Variants in PPM1E observed in about 807,000 individuals in gnomAD.
PPM1E encodes the protein protein phosphatase, Mg2+/Mn2+ dependent 1E.
Under a neutral mutation model 65.9 loss-of-function variants are expected in PPM1E, and 20 were observed. The observed-to-expected ratio is 0.30, with a 90% CI of 0.21 to 0.44. PPM1E has a LOEUF of 0.44. Among genes scored for constraint, PPM1E ranks in the 20% least tolerant of loss-of-function variants. The pLI is 1.00. For synonymous variants in PPM1E, 352 were observed against 374.9 expected (o/e 0.94, Z 0.70); for missense variants, 713 against 953.1 (o/e 0.75, Z 3.32).
rs543543260 is a variant in PPM1E at position 58,921,735 on chromosome 17, C to T, written c.465-33914C>T. On this transcript the variant is annotated intron_variant, in intron 1 of 6. Coordinates refer to ENST00000308249, the MANE Select transcript of PPM1E (RefSeq NM_014906.5). ...TTAGATAGGATTATGGACAGTTTTA[C>T]CATTGTGTAGGAAGAAAGAGTGTGG... Among the ~76,000 whole-genome samples, 5 of 150,028 alleles carry T rather than the reference C, an allele frequency of 3.3e-5. No individual in the cohort carries two copies. The South Asian group carries it at 1.1e-3, about 32-fold the overall frequency.
chr17:58,982,753 C>G lies in PPM1E; in HGVS notation c.*1722C>G. Reference sequence around the variant, plus strand: ...TTGAAGTCATTTCTTCTTCTCACGTCTGTGACAAATGGTTGAAAAGGAGTC... The same window carrying G: ...TTGAAGTCATTTCTTCTTCTCACGTGTGTGACAAATGGTTGAAAAGGAGTC... On this transcript the variant is annotated 3_prime_UTR_variant, in exon 7 of 7. Transcript: ENST00000308249. 1.8e-6 allele frequency: 1 copy of G among 568,298 alleles called. No homozygotes were observed. Among genetic ancestry groups the G allele is most frequent in the Non-Finnish European group, 3.1e-6 (1 of 325,334 alleles). The allele number at this position is 568,298 out of a possible 1,614,324, so 35.2% of individuals were successfully genotyped here.
chr17:58,771,796 A>G (rs1182904744), intron 1 of PPM1E, among the ~76,000 whole-genome samples: 2 of 152,080 alleles, frequency 1.3e-5, no homozygotes, highest in Admixed American at 1.3e-4. Context: ...AATGGAAGTA[A>G]TATTTATTCA....
chr17:58,797,803 C>T (rs2050220454), intron 1 of PPM1E, among the ~76,000 whole-genome samples: 1 of 152,116 alleles, frequency 6.6e-6, no homozygotes, highest in Non-Finnish European at 1.5e-5. Context: ...ATTTTCCAAA[C>T]TTGTTATATC....
intron 1 of PPM1E, among the ~76,000 whole-genome samples, chr17:58,944,764 T>G (rs968044357): frequency 6.6e-6 from 1 of 152,240 alleles, no homozygotes; most frequent in Admixed American, 6.5e-5. Flanking sequence ...TTTTTACTAT[T>G]TGGCGATTAT....
At chr17:58,943,294 C>G (rs1236067524) in intron 1 of PPM1E, among the ~76,000 whole-genome samples, 1 of 151,970 alleles carries the variant, frequency 6.6e-6, no homozygotes, top group Non-Finnish European at 1.5e-5. Context: ...TTCTCTAAAA[C>G]TTAAATAAAA....
At chr17:58,831,421 A>C (rs949954553) in intron 1 of PPM1E, among the ~76,000 whole-genome samples, 2 of 152,200 alleles carry the variant, frequency 1.3e-5, no homozygotes, top group Non-Finnish European at 2.9e-5. Flanking sequence ...AATTTTAGTA[A>C]GGTGATTTAC....
At chr17:58,920,426 A>T (rs1451720097) in intron 1 of PPM1E, among the ~76,000 whole-genome samples, 1 of 152,098 alleles carries the variant, frequency 6.6e-6, no homozygotes, top group African/African-American at 2.4e-5. Flanking sequence ...CATTTTAAGC[A>T]TTCTACTCTC....
Position 58,983,036 on chromosome 17 carries a change from G to GT in PPM1E, c.*2010dup, listed in dbSNP as rs1339248564. ...ATTTCTATTGTTGTCTATTGGTAATGTTTTTGATCAGAATAAAGAGGGTAA... is the reference window on the plus strand; with the variant it reads ...ATTTCTATTGTTGTCTATTGGTAATGTTTTTTGATCAGAATAAAGAGGGTAA... On this transcript the variant is annotated 3_prime_UTR_variant, in exon 7 of 7. Coordinates refer to ENST00000308249, the MANE Select transcript of PPM1E (RefSeq NM_014906.5). 9.1e-6 allele frequency: 9 copies of GT among 987,584 alleles called. No individual in the cohort carries two copies. The highest frequency in any genetic ancestry group is 1.6e-5 in the African/African-American group (1 of 60,626). 61.2% of individuals were successfully genotyped at this position (987,584 alleles called of 1,614,324 possible).
At chr17:58,886,485 G>A (rs2051266505) in intron 1 of PPM1E, among the ~76,000 whole-genome samples, 1 of 152,104 alleles carries the variant, frequency 6.6e-6, no homozygotes, top group Non-Finnish European at 1.5e-5. Context: ...TCCCATAGCC[G>A]GGGCAGGTTC....
At chr17:58,889,375 C>T (rs866811691) in intron 1 of PPM1E, among the ~76,000 whole-genome samples, 19 of 152,088 alleles carry the variant, frequency 1.2e-4, no homozygotes, top group Middle Eastern at 3.4e-3. Context: ...CTGAGGCAGG[C>T]GAATCACGAG....
chr17:58,772,453 TAA>T (rs879480951), intron 1 of PPM1E, among the ~76,000 whole-genome samples: 28 of 139,544 alleles, frequency 2.0e-4, no homozygotes, highest in Middle Eastern at 3.7e-3. Flanking sequence ...AGACTCCATC[TAA>T]AAAAAAAAAA....
At chr17:58,805,342 C>G (rs2050295365) in intron 1 of PPM1E, among the ~76,000 whole-genome samples, 1 of 152,174 alleles carries the variant, frequency 6.6e-6, no homozygotes, top group African/African-American at 2.4e-5. Context: ...CCTCTGCCTC[C>G]TGGGTTCAAG....
intron 1 of PPM1E, among the ~76,000 whole-genome samples, chr17:58,838,309 A>G (rs2050683509): frequency 6.6e-6 from 1 of 152,238 alleles, no homozygotes; most frequent in African/African-American, 2.4e-5. Context: ...CCCAAAATAT[A>G]CAAAAAACAC....
intron 1 of PPM1E, among the ~76,000 whole-genome samples, chr17:58,836,962 G>C (rs1474164364): frequency 6.8e-6 from 1 of 147,002 alleles, no homozygotes; most frequent in Non-Finnish European, 1.5e-5. Flanking sequence ...GGAGCTTGCA[G>C]TGAGCCGAGA....
intron 1 of PPM1E, among the ~76,000 whole-genome samples, chr17:58,914,697 T>A (rs910740729): frequency 6.6e-6 from 1 of 152,136 alleles, no homozygotes; most frequent in Non-Finnish European, 1.5e-5. Flanking sequence ...ACCAGTGATA[T>A]TATGTTGATA....
At chr17:58,772,648 G>A (rs1229269538) in intron 1 of PPM1E, among the ~76,000 whole-genome samples, 1 of 152,098 alleles carries the variant, frequency 6.6e-6, no homozygotes, top group Non-Finnish European at 1.5e-5. Context: ...GCATGGAGAT[G>A]AGAAAGCATA....
At chr17:58,833,070 C>A (rs1806539004) in intron 1 of PPM1E, among the ~76,000 whole-genome samples, 1 of 151,904 alleles carries the variant, frequency 6.6e-6, no homozygotes, top group African/African-American at 2.4e-5. Flanking sequence ...AAGTGATTCA[C>A]CTGCCTCAGC....
chr17:58,975,866 A>C (rs573334616), intron 6 of PPM1E, among the ~76,000 whole-genome samples: 4 of 152,264 alleles, frequency 2.6e-5, no homozygotes, highest in Non-Finnish European at 5.9e-5. Context: ...TTTGTTACAG[A>C]GATGAGGAGA....
rs2143336984 is a variant in PPM1E, at chr17:58,869,340, A to G, written c.465-86309A>G. On this transcript the variant is annotated intron_variant, in intron 1 of 6. Transcript: ENST00000308249. ...TGTCCGAATTTCATGTTGAAATTTG[A>G]TCCCCAGCGTTGGAGGGACCTAGTG... 1.3e-5 allele frequency among the ~76,000 whole-genome samples: 2 copies of G among 152,302 alleles called. 1 individual carries two copies. The highest frequency in any genetic ancestry group is 4.1e-4 in the South Asian group (2 of 4,820).
Sources: gnomAD v4.1 joint callset for allele counts (sites outside exome capture counted in the v4.1 genomes callset) on GRCh38, gnomAD v4.1.1 for gene constraint, MANE v1.5 for transcripts, NCBI Gene and HGNC (gene_info 2026-07-23, HGNC 2026-07-21) for gene names.